The following SECISBP2L variants were observed in gnomAD, a reference collection of about 807,000 sequenced individuals.
SECISBP2L encodes selenocysteine insertion sequence-binding protein 2-like.
Under a neutral mutation model 114.7 loss-of-function variants are expected in SECISBP2L, and 43 were observed. The ratio of observed to expected loss-of-function variants is 0.38; its 90% confidence interval spans 0.29 to 0.48. The LOEUF is 0.48. Among genes scored for constraint, SECISBP2L ranks in the 20% least tolerant of loss-of-function variants. SECISBP2L has a pLI of 0.98. For synonymous variants in SECISBP2L, 451 were observed against 439.7 expected (o/e 1.03, Z -0.32); for missense variants, 1,136 against 1,301.1 (o/e 0.87, Z 1.95).
intron 15 of SECISBP2L, 147 bp from the exon 16 acceptor site, chr15:49,000,134 T>C: frequency 1.4e-6 from 1 of 704,034 alleles, no homozygotes; most frequent in Non-Finnish European, 2.2e-6. Context: ...TCCTATTTAA[T>C]TTTATACAAT....
intron 4 of SECISBP2L, among the ~76,000 whole-genome samples, chr15:49,032,101 T>C (rs998166331): frequency 5.3e-5 from 8 of 152,216 alleles, no homozygotes; most frequent in Non-Finnish European, 8.8e-5. Context: ...AAAAGATACA[T>C]AGATCTCCAA....
In SECISBP2L at chr15:49,000,991, C is replaced by T; in HGVS notation, c.2134G>A (p.Ala712Thr). ...ERIYQKDPVR[A>T]KARRRLVMGL... Reference sequence around the variant, plus strand: ...ATAACGAGTCGTCTCCTTGCTTTTGCTCTTACAGGATCTTTTTGGTAGATG... The same window carrying T: ...ATAACGAGTCGTCTCCTTGCTTTTGTTCTTACAGGATCTTTTTGGTAGATG... Residue 712 changes from alanine (A) to threonine (T), a missense_variant, in exon 15 of 18, where the codon GCA becomes ACA. Coordinates refer to ENST00000559471, the MANE Select transcript of SECISBP2L (RefSeq NM_001193489.2). 6.2e-7 allele frequency: 1 copy of T among 1,613,832 alleles called. No individual in the cohort carries two copies. Among genetic ancestry groups the T allele is most frequent in the Non-Finnish European group, 8.5e-7 (1 of 1,179,860 alleles).
At chr15:48,999,389 C>T (rs959540534) in intron 16 of SECISBP2L, among the ~76,000 whole-genome samples, 4 of 152,096 alleles carry the variant, frequency 2.6e-5, no homozygotes, top group Non-Finnish European at 5.9e-5. Flanking sequence ...ATCATGGGTA[C>T]AATCATTGTG....
rs1902084457 is a variant in SECISBP2L at position 48,996,389 on chromosome 15, A to G, written c.2601T>C (p.Ser867=). The change falls in exon 17 of 18, where the codon TCT becomes TCC. Residue 867 remains serine, a synonymous_variant. Transcript: ENST00000559471. The stretch of plus-strand genomic sequence containing the variant: ...TACCATATTCCTTTTCATTTACTTC[A>G]GAGATCGGTTCAGAAATAACACTGC... ...SFCSVISEPI[S]EVNEKEYETN... 6 of 1,614,030 alleles carry G rather than the reference A, an allele frequency of 3.7e-6. No homozygotes were observed. Among genetic ancestry groups the G allele is most frequent in the Non-Finnish European group, 5.1e-6 (6 of 1,179,900 alleles).
At chr15:49,018,395 T>C (rs1026133128) in intron 8 of SECISBP2L, among the ~76,000 whole-genome samples, 4 of 152,140 alleles carry the variant, frequency 2.6e-5, no homozygotes, top group Non-Finnish European at 5.9e-5. Flanking sequence ...TAGCTGGGAT[T>C]ACAGGGACCC....
intron 17 of SECISBP2L, among the ~76,000 whole-genome samples, chr15:48,993,263 C>G (rs576480698): frequency 5.3e-5 from 8 of 151,950 alleles, no homozygotes; most frequent in Non-Finnish European, 1.2e-4. Context: ...GCTGGGATTA[C>G]AGGTGTGAGC....
chr15:49,002,281 C>T (rs541815499), intron 14 of SECISBP2L, among the ~76,000 whole-genome samples: 75 of 152,134 alleles, frequency 4.9e-4, no homozygotes, highest in Non-Finnish European at 7.5e-4. Flanking sequence ...TCGTATCCTT[C>T]GCCCACTTTT....
intron 9 of SECISBP2L, among the ~76,000 whole-genome samples, chr15:49,017,246 TAAAAC>T (rs1566857556): frequency 6.6e-6 from 1 of 152,120 alleles, no homozygotes; most frequent in Non-Finnish European, 1.5e-5. Context: ...TTGAATGAAA[TAAAAC>T]AAAATACATC....
chr15:49,020,644 A>C (rs1338212999), intron 7 of SECISBP2L, among the ~76,000 whole-genome samples: 1 of 152,056 alleles, frequency 6.6e-6, no homozygotes, highest in East Asian at 1.9e-4. Flanking sequence ...AACAACTAGG[A>C]CCACAGGTGT....
chr15:49,045,969 G>C (rs1448274065), intron 1 of SECISBP2L, among the ~76,000 whole-genome samples: 1 of 152,186 alleles, frequency 6.6e-6, no homozygotes, highest in Non-Finnish European at 1.5e-5. Context: ...GAGACTACTA[G>C]AAGTTATAAG....
intron 16 of SECISBP2L, 97 bp downstream of exon 16, chr15:48,999,736 C>T: frequency 7.4e-7 from 1 of 1,349,776 alleles, no homozygotes. Flanking sequence ...CTCACTCCTT[C>T]AAATGCTTAA....
chr15:49,001,222 TAAAG>T (rs1339656221), intron 14 of SECISBP2L, 125 bp from the exon 15 acceptor site: 15 of 634,620 alleles, frequency 2.4e-5, no homozygotes, highest in Non-Finnish European at 3.7e-5. Context: ...AAAAGTCTCT[TAAAG>T]AAGTGTTTAA....
chr15:49,032,126 TC>T (rs1902901889), intron 4 of SECISBP2L, among the ~76,000 whole-genome samples: 1 of 152,182 alleles, frequency 6.6e-6, no homozygotes, highest in African/African-American at 2.4e-5. Flanking sequence ...AAGGGTATAA[TC>T]TAAATGAAAA....
In SECISBP2L at chr15:49,035,434, A is replaced by T; in HGVS notation, c.428T>A (p.Ile143Asn). The T allele has an allele frequency of 6.2e-7, 1 of 1,614,210 alleles. No homozygotes were observed. ...TFQAANTVNA[I>N]TTECTERPSQ... is the part of the protein sequence containing the mutation. ...TGGACGCTCAGTGCATTCTGTGGTG[A>T]TAGCATTTACAGTATTTGCAGCCTG... The change falls in exon 3 of 18, where the codon ATC (isoleucine) becomes AAC (asparagine). Residue 143 changes from isoleucine (I) to asparagine (N), a missense_variant. Physicochemically the swap from Ile to Asn is moderately radical, Grantham distance 149. Coordinates refer to ENST00000559471, the MANE Select transcript of SECISBP2L (RefSeq NM_001193489.2).
At position 49,028,599 on chromosome 15, in the gene SECISBP2L, CTCT is replaced by C. The variant is rs753306151; in HGVS notation, c.745_747del (p.Arg249del). On this transcript the variant is annotated inframe_deletion, in exon 5 of 18. Coordinates refer to ENST00000559471, the MANE Select transcript of SECISBP2L (RefSeq NM_001193489.2). ...GAAGATTCAGCAGTAGGGTGGGATG[CTCT>C]TCTTCTCCTGCCCTTGGACTTCCAG... 1.4e-5 allele frequency: 22 copies of C among 1,614,126 alleles called. No individual in the cohort carries two copies. The highest frequency in any genetic ancestry group is 3.3e-5 in the Admixed American group (2 of 60,008).
chr15:49,009,429 A>G (rs1324089579), intron 13 of SECISBP2L, 51 bp from the exon 14 acceptor site: 2 of 1,570,020 alleles, frequency 1.3e-6, no homozygotes, highest in East Asian at 2.2e-5. Context: ...CAAATGCTGA[A>G]AAGTTCTACG....
intron 11 of SECISBP2L, among the ~76,000 whole-genome samples, chr15:49,015,496 T>G (rs1043831106): frequency 3.9e-5 from 6 of 152,156 alleles, no homozygotes; most frequent in African/African-American, 1.4e-4. Flanking sequence ...TAAGTAATAG[T>G]CCCTTCACAC....
chr15:49,039,492 A>G (rs1002775565), intron 1 of SECISBP2L, among the ~76,000 whole-genome samples: 3 of 152,028 alleles, frequency 2.0e-5, no homozygotes, highest in African/African-American at 7.2e-5. Context: ...TAACTGCACT[A>G]AAAATGTAAT....
chr15:49,021,634 C>T (rs1342012222), intron 7 of SECISBP2L, among the ~76,000 whole-genome samples: 1 of 152,214 alleles, frequency 6.6e-6, no homozygotes, highest in East Asian at 1.9e-4. Context: ...CACCTGAATT[C>T]TCACGCTTGC....
Sources: allele counts gnomAD v4.1 joint callset (sites outside exome capture counted in the v4.1 genomes callset), GRCh38; gene constraint gnomAD v4.1.1; transcripts MANE v1.5; gene names NCBI Gene and HGNC (gene_info 2026-07-23, HGNC 2026-07-21).